Variants in PDGFD observed in about 807,000 individuals in gnomAD.
The protein encoded by PDGFD is platelet derived growth factor D, also known as platelet-derived growth factor D.
In PDGFD, 30 loss-of-function variants were observed where a neutral mutation model predicts 44.7. The observed-to-expected ratio is 0.67, with a 90% confidence interval of 0.50 to 0.91. The LOEUF (loss-of-function observed/expected upper bound fraction) is 0.91, where lower values mean the gene tolerates loss of function less well. Among genes scored for constraint, PDGFD ranks in the 40% least tolerant of loss-of-function variants. PDGFD has a pLI of 0.00. For synonymous variants in PDGFD, 173 were observed against 168.4 expected (o/e 1.03, Z -0.21); for missense variants, 445 against 457.8 (o/e 0.97, Z 0.25).
chr11:104,152,042 A>G (rs760822605), intron 1 of PDGFD, among the ~76,000 whole-genome samples: 21 of 152,174 alleles, frequency 1.4e-4, no homozygotes, highest in Non-Finnish European at 2.8e-4. Flanking sequence ...GTTTTAACAG[A>G]GCAGAGACTG....
intron 3 of PDGFD, among the ~76,000 whole-genome samples, chr11:103,954,427 T>C (rs532450934): frequency 5.3e-5 from 8 of 152,352 alleles, no homozygotes; most frequent in African/African-American, 1.7e-4. Context: ...TTGTACCACC[T>C]GTTCCTGGAT....
At chr11:104,068,494 G>T (rs936007494) in intron 1 of PDGFD, among the ~76,000 whole-genome samples, 3 of 151,950 alleles carry the variant, frequency 2.0e-5, no homozygotes, top group African/African-American at 7.3e-5. Context: ...AAATATTGTT[G>T]TACACAATGA....
At chr11:104,040,297 A>G (rs1860326175) in intron 1 of PDGFD, among the ~76,000 whole-genome samples, 1 of 152,136 alleles carries the variant, frequency 6.6e-6, no homozygotes, top group African/African-American at 2.4e-5. Context: ...ACATGATTTG[A>G]GTGAATGAAT....
intron 3 of PDGFD, among the ~76,000 whole-genome samples, chr11:103,949,743 T>C (rs376991962): frequency 6.6e-6 from 1 of 152,182 alleles, no homozygotes; most frequent in Admixed American, 6.5e-5. Flanking sequence ...TAAACGCATG[T>C]GGGTGCTCTG....
chr11:103,985,671 G>A (rs936500338), intron 3 of PDGFD, among the ~76,000 whole-genome samples: 14 of 149,250 alleles, frequency 9.4e-5, no homozygotes, highest in Non-Finnish European at 2.1e-4. Flanking sequence ...AAGAATATGT[G>A]TAAGGAAAAG....
At chr11:103,933,129 T>C (rs747055156) in intron 5 of PDGFD, among the ~76,000 whole-genome samples, 10 of 152,206 alleles carry the variant, frequency 6.6e-5, no homozygotes, top group Non-Finnish European at 1.3e-4. Flanking sequence ...TAATCTGTTA[T>C]GAAAAGTGCT....
Position 103,943,636 on chromosome 11 carries a change from G to A in PDGFD, c.588C>T (p.Asn196=). 6.2e-7 allele frequency: 1 copy of A among 1,612,570 alleles called. No homozygotes were observed. Among genetic ancestry groups the A allele is most frequent in the African/African-American group, 1.3e-5 (1 of 74,988 alleles). Residue 196 remains asparagine (N), a synonymous_variant, in exon 5 of 7, where the codon AAC becomes AAT. Coordinates refer to ENST00000393158, the MANE Select transcript of PDGFD (RefSeq NM_025208.5). ...VTSSISGVSY[N]SPSVTDPTLI... The stretch of plus-strand genomic sequence containing the variant: ...GAGTGGGATCCGTTACTGATGGAGA[G>A]TTATAGGATACCCCCTAAGAGTGAC...
chr11:103,925,679 G>GTA (rs367755559), intron 6 of PDGFD, among the ~76,000 whole-genome samples: 11,670 of 119,614 alleles, frequency 0.098, 590 homozygotes, highest in Middle Eastern at 0.18. Context: ...GTGTGTCTGT[G>GTA]TATATATATA....
chr11:103,920,718 C>T (rs760953775), intron 6 of PDGFD, among the ~76,000 whole-genome samples: 9 of 152,214 alleles, frequency 5.9e-5, no homozygotes, highest in Non-Finnish European at 1.2e-4. Context: ...TCTTCAGATG[C>T]CTTCATTCAC....
At chr11:103,950,070 G>A (rs1166742553) in intron 3 of PDGFD, among the ~76,000 whole-genome samples, 2 of 152,114 alleles carry the variant, frequency 1.3e-5, no homozygotes, top group South Asian at 4.1e-4. Flanking sequence ...AGAATGGACC[G>A]CATGAGAGAG....
chr11:103,968,336 GAGATC>G (rs1859051357), intron 3 of PDGFD, among the ~76,000 whole-genome samples: 1 of 152,104 alleles, frequency 6.6e-6, no homozygotes, highest in Non-Finnish European at 1.5e-5. Flanking sequence ...AATCTTTACT[GAGATC>G]AGATCGTTTT....
intron 1 of PDGFD, among the ~76,000 whole-genome samples, chr11:104,077,555 G>A (rs1396487068): frequency 6.6e-6 from 1 of 152,112 alleles, no homozygotes; most frequent in African/African-American, 2.4e-5. Flanking sequence ...TTTTGATATG[G>A]CTGCAGAATA....
intron 1 of PDGFD, among the ~76,000 whole-genome samples, chr11:104,132,163 T>C (rs1455777903): frequency 6.6e-6 from 1 of 152,034 alleles, no homozygotes; most frequent in African/African-American, 2.4e-5. Flanking sequence ...CATTCCAAGG[T>C]CAGTTTCTCA....
chr11:104,135,558 G>A (rs1213628269), intron 1 of PDGFD, among the ~76,000 whole-genome samples: 1 of 152,192 alleles, frequency 6.6e-6, no homozygotes, highest in Non-Finnish European at 1.5e-5. Flanking sequence ...GGTTGAAGAA[G>A]TCAGATCATC....
intron 1 of PDGFD, among the ~76,000 whole-genome samples, chr11:104,083,343 A>T (rs764107041): frequency 6.6e-6 from 1 of 152,200 alleles, no homozygotes; most frequent in Admixed American, 6.6e-5. Flanking sequence ...TTTTTAATAT[A>T]AAGTTTAAAG....
chr11:104,074,177 T>A (rs1194465946), intron 1 of PDGFD, among the ~76,000 whole-genome samples: 1 of 152,028 alleles, frequency 6.6e-6, no homozygotes, highest in Non-Finnish European at 1.5e-5. Context: ...GACCAACCAA[T>A]CCCAGGCAAC....
chr11:103,951,196 T>C (rs1858750183), intron 3 of PDGFD, among the ~76,000 whole-genome samples: 2 of 152,204 alleles, frequency 1.3e-5, no homozygotes, highest in Non-Finnish European at 2.9e-5. Flanking sequence ...CCATTACTTA[T>C]AGATGACATA....
At chr11:104,140,436 A>G (rs529958008) in intron 1 of PDGFD, among the ~76,000 whole-genome samples, 1 of 148,894 alleles carries the variant, frequency 6.7e-6, no homozygotes, top group East Asian at 2.0e-4. Context: ...AAATCCAACA[A>G]TCCTCTGTGG....
chr11:104,067,317 A>G (rs1860803532), intron 1 of PDGFD, among the ~76,000 whole-genome samples: 1 of 152,196 alleles, frequency 6.6e-6, no homozygotes, highest in South Asian at 2.1e-4. Flanking sequence ...ACAGTAGATA[A>G]CTGCTAAATC....
Sources: gnomAD v4.1 joint callset for allele counts (sites outside exome capture counted in the v4.1 genomes callset) on GRCh38, gnomAD v4.1.1 for gene constraint, MANE v1.5 for transcripts, NCBI Gene and HGNC (gene_info 2026-07-23, HGNC 2026-07-21) for gene names.